Variants in EXD2 observed in about 807,000 individuals in gnomAD.
EXD2 encodes exonuclease 3'-5' domain-containing protein 2.
EXD2 carries 40 observed loss-of-function variants against 62.5 expected under a neutral mutation model. That is an observed-to-expected ratio of 0.64 (90% CI 0.50 to 0.83). The LOEUF (loss-of-function observed/expected upper bound fraction) is 0.83, where lower values mean the gene tolerates loss of function less well. Ranked by LOEUF, EXD2 falls within the 40% of genes least tolerant of loss-of-function variation. The pLI, the probability that EXD2 is intolerant of heterozygous loss-of-function variation, is 0.00. For missense variants in EXD2, 671 were observed against 761.8 expected, an observed-to-expected ratio of 0.88 and a Z score of 1.40; for synonymous variants, 239 against 291.9, an observed-to-expected ratio of 0.82 and a Z score of 1.85.
At chr14:69,230,150 G>C (rs958972405) in intron 4 of EXD2, among the ~76,000 whole-genome samples, 3 of 152,068 alleles carry the variant, frequency 2.0e-5, no homozygotes, top group Non-Finnish European at 4.4e-5. Flanking sequence ...ACACTGCATG[G>C]GTAGGAGTCT....
intron 8 of EXD2, among the ~76,000 whole-genome samples, chr14:69,236,807 T>C (rs1328484634): frequency 6.6e-6 from 1 of 152,200 alleles, no homozygotes; most frequent in Non-Finnish European, 1.5e-5. Context: ...TCCCTTTTGC[T>C]CATGAAAGAC....
At position 69,235,463 on chromosome 14, in the gene EXD2, T is replaced by A. The variant is rs567255656; in HGVS notation, c.1049+432T>A. 3.1e-4 allele frequency: 54 copies of A among 174,252 alleles called. 1 individual carries two copies. Among genetic ancestry groups the A allele is most frequent in the Admixed American group, 6.5e-4 (12 of 18,366 alleles). 10.8% of individuals were successfully genotyped at this position (174,252 alleles called of 1,614,324 possible). ...CTTGTTCATATGTTATTTGATTATT[T>A]AGAATGACATCCAGCTCCAAGAAAA... is the stretch of plus-strand genomic sequence containing the variant. On this transcript the variant is annotated intron_variant, in intron 6 of 9. Transcript: ENST00000685843.
chr14:69,234,636 A>G lies in EXD2; in HGVS notation c.718-64A>G, dbSNP rs537498635. 56 of 1,350,570 alleles carry G rather than the reference A, an allele frequency of 4.1e-5. No homozygotes were observed. In the African/African-American group the frequency reaches 7.4e-4, roughly 18 times the overall value. 83.7% of individuals were successfully genotyped at this position (1,350,570 alleles called of 1,614,324 possible). A position where few individuals can be genotyped will look rare whatever the true frequency, so the allele number is the denominator to read the frequency against. On this transcript the variant is annotated intron_variant, in intron 5 of 9. Transcript: ENST00000685843. ...AGAGTTATCTATTTCTTTGTGATTGACTTTGAAGTTTTTCTCTCTGGTTTG... is the reference window on the plus strand; with the variant it reads ...AGAGTTATCTATTTCTTTGTGATTGGCTTTGAAGTTTTTCTCTCTGGTTTG...
intron 3 of EXD2, among the ~76,000 whole-genome samples, chr14:69,225,661 A>C (rs1217750023): frequency 6.6e-5 from 10 of 152,232 alleles, no homozygotes; most frequent in Admixed American, 6.5e-4. Context: ...TAATGAAATT[A>C]AAACGTGTCA....
intron 5 of EXD2, among the ~76,000 whole-genome samples, chr14:69,233,230 T>C (rs1026818216): frequency 2.0e-5 from 3 of 152,238 alleles, no homozygotes; most frequent in African/African-American, 7.2e-5. Context: ...TGTAGATTGT[T>C]GGATCTAGGT....
intron 1 of EXD2, among the ~76,000 whole-genome samples, chr14:69,202,667 C>T (rs2042449165): frequency 6.6e-6 from 1 of 152,052 alleles, no homozygotes; most frequent in Admixed American, 6.6e-5. Flanking sequence ...AAAACCTCTT[C>T]AAATAAAAAT....
intron 9 of EXD2, 34 bp from the exon 10 acceptor site, chr14:69,240,850 T>G (rs747411235): frequency 9.4e-6 from 15 of 1,593,144 alleles, no homozygotes; most frequent in Non-Finnish European, 1.3e-5. Context: ...TGCGCTTGTT[T>G]CCCTCAGACA....
chr14:69,196,852 G>C (rs563586369), intron 1 of EXD2, among the ~76,000 whole-genome samples: 34 of 151,652 alleles, frequency 2.2e-4, no homozygotes, highest in Non-Finnish European at 4.1e-4. Flanking sequence ...CAAATTCCTG[G>C]CGTCAAGTGA....
At chr14:69,226,855 C>A (rs1826802575) in intron 3 of EXD2, among the ~76,000 whole-genome samples, 1 of 150,478 alleles carries the variant, frequency 6.6e-6, no homozygotes, top group Non-Finnish European at 1.5e-5. Context: ...TTCAATTATG[C>A]AATGTACCTC....
At chr14:69,199,015 G>A (rs989825085) in intron 1 of EXD2, among the ~76,000 whole-genome samples, 2 of 152,168 alleles carry the variant, frequency 1.3e-5, no homozygotes, top group Non-Finnish European at 2.9e-5. Flanking sequence ...AGGCTGAGGC[G>A]GGCAGATCAC....
intron 6 of EXD2, 103 bp downstream of exon 6, chr14:69,235,134 C>A (rs1334761677): frequency 9.7e-7 from 1 of 1,033,572 alleles, no homozygotes; most frequent in Non-Finnish European, 1.4e-6. Context: ...AGTAGGGGAG[C>A]AGCAGCTCTC....
chr14:69,218,221 G>A (rs569047867), intron 3 of EXD2, among the ~76,000 whole-genome samples: 2,015 of 152,130 alleles, frequency 0.013, 41 homozygotes, highest in African/African-American at 0.047. Flanking sequence ...TTTAATGATC[G>A]CCATTCTAAC....
intron 3 of EXD2, among the ~76,000 whole-genome samples, chr14:69,213,070 ATTC>A (rs1174961858): frequency 5.0e-5 from 7 of 138,680 alleles, no homozygotes; most frequent in Non-Finnish European, 7.8e-5. Context: ...ACCTTCCTGT[ATTC>A]TTCTTCTTTT....
In EXD2 at chr14:69,241,483, T is replaced by A; in HGVS notation, c.*383T>A. ...CTTGTCTAGTGCCTCGGTTTATCTC[T>A]AACAGGGGCTGTCCAGTATATCGGT... is the stretch of plus-strand genomic sequence containing the variant. On this transcript the variant is annotated 3_prime_UTR_variant, in exon 10 of 10. Coordinates refer to ENST00000685843, the MANE Select transcript of EXD2 (RefSeq NM_001193360.2). 1 of 257,970 alleles carries A rather than the reference T, an allele frequency of 3.9e-6. No homozygotes were observed. The highest frequency in any genetic ancestry group is 7.4e-6 in the Non-Finnish European group (1 of 135,752). 16.0% of individuals were successfully genotyped at this position (257,970 alleles called of 1,614,324 possible). A position where few individuals can be genotyped will look rare whatever the true frequency, so the allele number is the denominator to read the frequency against.
Position 69,241,034 on chromosome 14 carries a change from A to G in EXD2, c.1800A>G (p.Ser600=). Reference sequence around the variant, plus strand: ...CCAAGCACCTGCCCCAGCAGTGGTCAGTGGACCACAACCATCAGAAGCTGC... The same window carrying G: ...CCAAGCACCTGCCCCAGCAGTGGTCGGTGGACCACAACCATCAGAAGCTGC... ...MQPKHLPQQW[S]VDHNHQKLLR... Residue 600 remains serine, a synonymous_variant, in exon 10 of 10, where the codon TCA becomes TCG. Transcript: ENST00000685843. 1.2e-6 allele frequency: 2 copies of G among 1,613,024 alleles called. No homozygotes were observed. Among genetic ancestry groups the G allele is most frequent in the South Asian group, 2.2e-5 (2 of 91,016 alleles).
intron 6 of EXD2, 200 bp from the exon 7 acceptor site, chr14:69,235,846 A>T: frequency 3.3e-6 from 2 of 599,206 alleles, no homozygotes; most frequent in Non-Finnish European, 6.0e-6. Context: ...GCATAAACTC[A>T]TTCATTTTTA....
intron 3 of EXD2, among the ~76,000 whole-genome samples, chr14:69,218,307 G>T (rs2043053260): frequency 6.6e-6 from 1 of 152,168 alleles, no homozygotes; most frequent in Non-Finnish European, 1.5e-5. Context: ...ATTTTTTCAT[G>T]TGTCTTTTGG....
At chr14:69,197,781 CT>C (rs11322479) in intron 1 of EXD2, among the ~76,000 whole-genome samples, 148,116 of 152,302 alleles carry the variant, frequency 0.97, 72,040 homozygotes, top group East Asian at 1. Flanking sequence ...TCAATTCATT[CT>C]TTTAAAAAGT....
At chr14:69,195,042 C>T (rs2042156117) in intron 1 of EXD2, among the ~76,000 whole-genome samples, 1 of 152,082 alleles carries the variant, frequency 6.6e-6, no homozygotes, top group Admixed American at 6.6e-5. Flanking sequence ...CATGGTGAAA[C>T]CCAGTCTCTA....
Sources: gnomAD v4.1 joint callset for allele counts (sites outside exome capture counted in the v4.1 genomes callset) on GRCh38, gnomAD v4.1.1 for gene constraint, MANE v1.5 for transcripts, NCBI Gene and HGNC (gene_info 2026-07-23, HGNC 2026-07-21) for gene names.